Variants in NOS1AP observed in about 807,000 individuals in gnomAD.
NOS1AP encodes the protein nitric oxide synthase 1 adaptor protein, also known as carboxyl-terminal PDZ ligand of neuronal nitric oxide synthase protein.
Under a neutral mutation model 56.2 loss-of-function variants are expected in NOS1AP, and 21 were observed. The ratio of observed to expected loss-of-function variants is 0.37; its 90% confidence interval spans 0.26 to 0.54. The LOEUF (loss-of-function observed/expected upper bound fraction) is 0.54. NOS1AP is among the 20% of genes least tolerant of loss of function. The probability of loss-of-function intolerance (pLI) is 0.84; values close to 1 mark genes in which losing one functional copy is unlikely to be tolerated. For synonymous variants in NOS1AP, 270 were observed against 274.6 expected (o/e 0.98, Z 0.17); for missense variants, 522 against 657.8 (o/e 0.79, Z 2.26).
At chr1:162,160,724 T>G (rs1228481674) in intron 2 of NOS1AP, among the ~76,000 whole-genome samples, 1 of 152,206 alleles carries the variant, frequency 6.6e-6, no homozygotes, top group Non-Finnish European at 1.5e-5. Flanking sequence ...AAGTTCAGAG[T>G]TGGCAAGCCT....
chr1:162,245,846 T>C (rs1397251878), intron 2 of NOS1AP, among the ~76,000 whole-genome samples: 1 of 152,244 alleles, frequency 6.6e-6, no homozygotes, highest in Non-Finnish European at 1.5e-5. Flanking sequence ...TAATCTTCTG[T>C]AAGTCCCAGG....
At chr1:162,116,750 T>C (rs1039026779) in intron 1 of NOS1AP, among the ~76,000 whole-genome samples, 4 of 152,318 alleles carry the variant, frequency 2.6e-5, no homozygotes, top group Admixed American at 2.0e-4. Context: ...TTTGTTGACT[T>C]TGATGCAGAT....
In NOS1AP at chr1:162,245,451, A is replaced by G. The variant is rs187712722; in HGVS notation, c.178-41893A>G. Among the ~76,000 whole-genome samples the G allele has an allele frequency of 2.9e-4, 44 of 152,372 alleles. No homozygotes were observed. In the East Asian group the frequency reaches 7.5e-3, roughly 26 times the overall value. ...GGTGGGAATGCAAAATGGTACAGCC[A>G]GTTGGAAGACAGTTTGGTAATGTCT... On this transcript the variant is annotated intron_variant, in intron 2 of 9. Coordinates refer to ENST00000361897, the MANE Select transcript of NOS1AP (RefSeq NM_014697.3).
chr1:162,254,249 C>A (rs1653954868), intron 2 of NOS1AP, among the ~76,000 whole-genome samples: 1 of 152,184 alleles, frequency 6.6e-6, no homozygotes, highest in Non-Finnish European at 1.5e-5. Flanking sequence ...CATCATGTAA[C>A]TGCAAGGCCT....
At chr1:162,123,248 T>C (rs1275814731) in intron 1 of NOS1AP, among the ~76,000 whole-genome samples, 1 of 152,244 alleles carries the variant, frequency 6.6e-6, no homozygotes, top group Non-Finnish European at 1.5e-5. Flanking sequence ...CTCAGCTCAC[T>C]GCAACTTCTG....
At chr1:162,359,052 T>C (rs568641539) in intron 8 of NOS1AP, among the ~76,000 whole-genome samples, 3 of 152,306 alleles carry the variant, frequency 2.0e-5, no homozygotes, top group African/African-American at 4.8e-5. Context: ...AATCCTGCCC[T>C]GGCCCTGTTT....
In NOS1AP at chr1:162,187,113, G is replaced by A. The variant is rs143436313; in HGVS notation, c.177+32637G>A. ...CCCGAAGTAGCTGGGACTATAGGCC[G>A]CACCATCACACCTGGCTAATTTTTT... On this transcript the variant is annotated intron_variant, in intron 2 of 9. Transcript: ENST00000361897. 2.5e-4 allele frequency among the ~76,000 whole-genome samples: 38 copies of A among 151,944 alleles called. No homozygotes were observed. The East Asian group carries it at 5.6e-3, about 23-fold the overall frequency.
chr1:162,290,681 C>T (rs1655260253), intron 3 of NOS1AP, among the ~76,000 whole-genome samples: 3 of 152,184 alleles, frequency 2.0e-5, no homozygotes, highest in South Asian at 4.1e-4. Flanking sequence ...CCCACTGATT[C>T]GTTGGTGCTT....
chr1:162,295,994 G>A (rs1655445421), intron 3 of NOS1AP, among the ~76,000 whole-genome samples: 1 of 152,072 alleles, frequency 6.6e-6, no homozygotes, highest in Non-Finnish European at 1.5e-5. Flanking sequence ...GGGTTAAAAA[G>A]CTCCAACAGT....
rs77523485 is a variant in NOS1AP at position 162,074,800 on chromosome 1, C to T, written c.105+4518C>T. 4.7e-4 allele frequency among the ~76,000 whole-genome samples: 72 copies of T among 152,284 alleles called. No individual in the cohort carries two copies. The East Asian group carries it at 0.012, about 25-fold the overall frequency. On this transcript the variant is annotated intron_variant, in intron 1 of 9. Coordinates refer to ENST00000361897, the MANE Select transcript of NOS1AP (RefSeq NM_014697.3). ...GGCTGGAATGTTCAAGAAGGCTTCA[C>T]TCATATGACTGTGCCTTGGTCGTCC...
chr1:162,128,201 G>A (rs1395558565), intron 1 of NOS1AP, among the ~76,000 whole-genome samples: 2 of 151,358 alleles, frequency 1.3e-5, no homozygotes, highest in Admixed American at 6.6e-5. Flanking sequence ...TGCAGCATAA[G>A]GTAAAAAATC....
In NOS1AP at chr1:162,070,076, C is replaced by T. The variant is rs1431653583; in HGVS notation, c.-102C>T. On this transcript the variant is annotated 5_prime_UTR_variant, in exon 1 of 10. Transcript: ENST00000361897. ...CCCTGCCCAGCGCTCCCAGGCCCCG[C>T]CACGCGTCGCCGCGCCCAGCTCCAG... is the stretch of plus-strand genomic sequence containing the variant. 1 of 934,478 alleles carries T rather than the reference C, an allele frequency of 1.1e-6. No individual in the cohort carries two copies. Among genetic ancestry groups the T allele is most frequent in the East Asian group, 2.9e-5 (1 of 35,010 alleles). 57.9% of individuals were successfully genotyped at this position (934,478 alleles called of 1,614,324 possible).
intron 2 of NOS1AP, among the ~76,000 whole-genome samples, chr1:162,194,748 G>T (rs1017772269): frequency 2.6e-5 from 4 of 152,144 alleles, no homozygotes; most frequent in African/African-American, 7.2e-5. Flanking sequence ...TCCTCGGGGG[G>T]TTGGGGCTGA....
chr1:162,351,443 T>C (rs1233084817), intron 6 of NOS1AP, among the ~76,000 whole-genome samples: 1 of 152,142 alleles, frequency 6.6e-6, no homozygotes, highest in Non-Finnish European at 1.5e-5. Flanking sequence ...CGATTACACA[T>C]TTGTGATCCC....
intron 1 of NOS1AP, among the ~76,000 whole-genome samples, chr1:162,104,833 T>A (rs908177260): frequency 2.0e-5 from 3 of 152,236 alleles, no homozygotes; most frequent in Non-Finnish European, 4.4e-5. Context: ...CTAGCTTCTA[T>A]GCATTGAGTA....
Position 162,231,235 on chromosome 1 carries a change from A to T in NOS1AP, c.178-56109A>T, listed in dbSNP as rs114372970. Among the ~76,000 whole-genome samples, 414 of 152,286 alleles carry T rather than the reference A, an allele frequency of 2.7e-3. 1 individual carries two copies. The highest frequency in any genetic ancestry group is 9.6e-3 in the African/African-American group (401 of 41,560). ...TTTGATTTATATTTCCCTAATGATT[A>T]GTGATGTTGAGCAGCTTTTCATATG... On this transcript the variant is annotated intron_variant, in intron 2 of 9. Coordinates refer to ENST00000361897, the MANE Select transcript of NOS1AP (RefSeq NM_014697.3).
At chr1:162,357,191 A>G in intron 8 of NOS1AP, 55 bp downstream of exon 8, 8 of 1,581,886 alleles carry the variant, frequency 5.1e-6, no homozygotes, top group Non-Finnish European at 6.8e-6. Flanking sequence ...GGCTTGATGC[A>G]CCTTCCCTAG....
At chr1:162,365,669 C>T in intron 9 of NOS1AP, 100 bp downstream of exon 9, 1 of 1,421,146 alleles carries the variant, frequency 7.0e-7, no homozygotes, top group East Asian at 2.4e-5. Context: ...GACCCCTGAC[C>T]TACCCCTATA....
intron 5 of NOS1AP, among the ~76,000 whole-genome samples, chr1:162,335,098 C>T (rs556697262): frequency 1.1e-4 from 17 of 152,362 alleles, no homozygotes; most frequent in Non-Finnish European, 2.1e-4. Context: ...TTCCCATTAT[C>T]CGTGAAAAGG....
Sources: gnomAD v4.1 joint callset for allele counts (sites outside exome capture counted in the v4.1 genomes callset) on GRCh38, gnomAD v4.1.1 for gene constraint, MANE v1.5 for transcripts, NCBI Gene and HGNC (gene_info 2026-07-23, HGNC 2026-07-21) for gene names.